LCP2: variants seen among roughly 807,000 people sequenced by gnomAD.
LCP2 encodes lymphocyte cytosolic protein 2, also known as 76 kDa tyrosine phosphoprotein.
Under a neutral mutation model 74.5 loss-of-function variants are expected in LCP2, and 29 were observed. The ratio of observed to expected loss-of-function variants is 0.39; its 90% CI spans 0.29 to 0.53. The LOEUF is 0.53. Among genes scored for constraint, LCP2 ranks in the 20% least tolerant of loss-of-function variants. The pLI is 0.72. For synonymous variants in LCP2, 228 were observed against 229.5 expected, an observed-to-expected ratio of 0.99 and a Z score of 0.06; for missense variants, 604 against 634.6, an observed-to-expected ratio of 0.95 and a Z score of 0.52.
chr5:170,254,581 T>A (rs1465055203), intron 17 of LCP2, among the ~76,000 whole-genome samples: 1 of 152,228 alleles, frequency 6.6e-6, no homozygotes, highest in Non-Finnish European at 1.5e-5. Context: ...CCTAGACAGA[T>A]CTTCCCCATC....
At chr5:170,267,199 C>T in intron 8 of LCP2, 124 bp from the exon 9 acceptor site, 1 of 967,600 alleles carries the variant, frequency 1.0e-6, no homozygotes, top group Non-Finnish European at 1.6e-6. Context: ...ACATCCATGT[C>T]CATTTCTTCA....
chr5:170,277,743 C>CA (rs371915364), intron 3 of LCP2, among the ~76,000 whole-genome samples: 4,153 of 117,512 alleles, frequency 0.035, 221 homozygotes, highest in African/African-American at 0.11. Context: ...AACTTCGTCT[C>CA]AAAAAAAAAA....
chr5:170,290,982 AAGAAAGAAAGAAAGAAAG>A (rs2113214841), intron 2 of LCP2, among the ~76,000 whole-genome samples: 2 of 61,586 alleles, frequency 3.2e-5, no homozygotes, highest in East Asian at 5.3e-4. Context: ...GAAAGAAAGA[AAGAAAGAAAGAAAGAAAG>A]AGAGAAAGAA....
intron 5 of LCP2, among the ~76,000 whole-genome samples, chr5:170,274,613 C>T (rs1187873947): frequency 2.0e-5 from 3 of 152,190 alleles, no homozygotes; most frequent in Non-Finnish European, 4.4e-5. Flanking sequence ...CCTGTAGATA[C>T]CTGGGGGCCT....
intron 20 of LCP2, among the ~76,000 whole-genome samples, chr5:170,249,883 T>C (rs11958627): frequency 6.6e-6 from 1 of 152,234 alleles, no homozygotes; most frequent in Non-Finnish European, 1.5e-5. Flanking sequence ...TCTGCACTTG[T>C]GTGTTTCCAC....
chr5:170,259,658 A>G (rs1007423505), intron 14 of LCP2, among the ~76,000 whole-genome samples: 5 of 152,180 alleles, frequency 3.3e-5, no homozygotes, highest in Non-Finnish European at 5.9e-5. Context: ...ATTAGCTACT[A>G]CTTGTGTCTG....
rs1761550991 is a variant in LCP2, at chr5:170,256,328, ATGTGT to A, written c.1150+193_1150+197del. 6.6e-6 allele frequency among the ~76,000 whole-genome samples: 1 copy of A among 151,934 alleles called. No homozygotes were observed. The highest frequency in any genetic ancestry group is 6.6e-5 in the Admixed American group (1 of 15,250). ...CATGTATATGTATACGTGTGTGTGT[ATGTGT>A]TGTGTTTTAGGTACTATCCTATCAT... On this transcript the variant is annotated intron_variant, in intron 17 of 20. Transcript: ENST00000046794. This position sits in a 1 kb window ranked among gnomAD's most constrained non-coding sequence, Gnocchi z 4.5.
intron 3 of LCP2, among the ~76,000 whole-genome samples, chr5:170,277,886 A>G (rs1762033683): frequency 6.6e-6 from 1 of 151,994 alleles, no homozygotes; most frequent in Non-Finnish European, 1.5e-5. Context: ...TACTCTCTGT[A>G]ATAATATTGT....
chr5:170,248,544 T>C lies in LCP2; in HGVS notation c.*153A>G. The stretch of plus-strand genomic sequence containing the variant: ...TTATGGGATAGTTGACAGTCTTCAT[T>C]TCAAACACTGTTTTTAAAGGAAAGG... On this transcript the variant is annotated 3_prime_UTR_variant, in exon 21 of 21. Coordinates refer to ENST00000046794, the MANE Select transcript of LCP2 (RefSeq NM_005565.5). The C allele has an allele frequency of 1.3e-6, 1 of 776,140 alleles. No homozygotes were observed. The highest frequency in any genetic ancestry group is 2.1e-6 in the Non-Finnish European group (1 of 469,506). The allele number at this position is 776,140 out of a possible 1,614,324, so 48.1% of individuals were successfully genotyped here. A position where few individuals can be genotyped will look rare whatever the true frequency, so the allele number is the denominator to read the frequency against.
chr5:170,267,587 C>A (rs556293793), intron 8 of LCP2, among the ~76,000 whole-genome samples: 7 of 151,844 alleles, frequency 4.6e-5, no homozygotes, highest in Admixed American at 2.0e-4. Flanking sequence ...ACCTCCCCCC[C>A]CCATACCGTC....
In LCP2 at chr5:170,247,689, G is replaced by T. The variant is rs1376865805; in HGVS notation, c.*1008C>A. The T allele has an allele frequency of 6.6e-6, 1 of 152,202 alleles. No individual in the cohort carries two copies. Among genetic ancestry groups the T allele is most frequent in the East Asian group, 1.9e-4 (1 of 5,196 alleles). 9.4% of individuals were successfully genotyped at this position (152,202 alleles called of 1,614,324 possible). ...GCACTTATACAGCCTGTTTGGGAAG[G>T]ATGAGGAGAAGGGACTTTATGGCAG... is the stretch of plus-strand genomic sequence containing the variant. On this transcript the variant is annotated 3_prime_UTR_variant, in exon 21 of 21. Coordinates refer to ENST00000046794, the MANE Select transcript of LCP2 (RefSeq NM_005565.5).
chr5:170,289,641 C>CTTTCTTTA (rs1762246246), intron 2 of LCP2, among the ~76,000 whole-genome samples: 1 of 108,890 alleles, frequency 9.2e-6, no homozygotes, highest in South Asian at 3.2e-4. Context: ...TTCTTTCTTT[C>CTTTCTTTA]TTTCTTTCTT....
At position 170,293,318 on chromosome 5, in the gene LCP2, G is replaced by C. The variant is rs760583219; in HGVS notation, c.133C>G (p.Arg45Gly). 1 of 1,607,350 alleles carries C rather than the reference G, an allele frequency of 6.2e-7. No individual in the cohort carries two copies. Among genetic ancestry groups the C allele is most frequent in the Admixed American group, 1.7e-5 (1 of 59,138 alleles). The change falls in exon 2 of 21, where the codon CGC (arginine) becomes GGC (glycine). Residue 45 changes from arginine to glycine, a missense_variant. Coordinates refer to ENST00000046794, the MANE Select transcript of LCP2 (RefSeq NM_005565.5). Reference sequence around the variant, plus strand: ...GACTAGCCAGAGCTTACCAAGAAGCGAGCCCCATCGATGTGGTACTTCTTC... The same window carrying C: ...GACTAGCCAGAGCTTACCAAGAAGCCAGCCCCATCGATGTGGTACTTCTTC... ...AVKKYHIDGA[R>G]FLNLTENDIQ...
At chr5:170,283,054 A>G (rs1467562311) in intron 3 of LCP2, among the ~76,000 whole-genome samples, 3 of 152,202 alleles carry the variant, frequency 2.0e-5, no homozygotes, top group Admixed American at 6.5e-5. Context: ...TTCTGCCAAG[A>G]GGGACAGTGA....
chr5:170,255,389 C>T (rs1761532191), intron 17 of LCP2, among the ~76,000 whole-genome samples: 2 of 152,310 alleles, frequency 1.3e-5, no homozygotes, highest in South Asian at 4.1e-4. Flanking sequence ...TAGTTTTCTA[C>T]TGAACACACA....
chr5:170,274,851 C>T (rs1355413802), intron 5 of LCP2, among the ~76,000 whole-genome samples: 3 of 152,128 alleles, frequency 2.0e-5, no homozygotes, highest in Admixed American at 6.5e-5. Flanking sequence ...GTGGCGGGTG[C>T]CTGTAGTCCC....
intron 7 of LCP2, among the ~76,000 whole-genome samples, 170 bp from the exon 8 acceptor site, chr5:170,268,652 T>C (rs982206765): frequency 3.4e-5 from 5 of 145,646 alleles, no homozygotes; most frequent in African/African-American, 5.0e-5. Context: ...CACCCCTCCC[T>C]GCCCATTTTT....
chr5:170,265,649 G>T (rs1201771443), intron 10 of LCP2, among the ~76,000 whole-genome samples: 1 of 152,188 alleles, frequency 6.6e-6, no homozygotes, highest in African/African-American at 2.4e-5. Flanking sequence ...AAACCAGCCA[G>T]CACAGCTTTG....
At chr5:170,283,359 G>A (rs1762134856) in intron 3 of LCP2, among the ~76,000 whole-genome samples, 1 of 152,162 alleles carries the variant, frequency 6.6e-6, no homozygotes, top group South Asian at 2.1e-4. Context: ...AAAAAAGCCA[G>A]AAGACATCAG....
Sources: gnomAD v4.1 joint callset for allele counts (sites outside exome capture counted in the v4.1 genomes callset) on GRCh38, gnomAD v4.1.1 for gene constraint, Gnocchi (gnomAD v3.1) non-coding constraint, MANE v1.5 for transcripts, NCBI Gene and HGNC (gene_info 2026-07-23, HGNC 2026-07-21) for gene names.